The following THSD7B variants were observed in gnomAD, a reference collection of about 807,000 sequenced individuals.
THSD7B encodes the protein thrombospondin type-1 domain-containing protein 7B.
In THSD7B, 138 loss-of-function variants were observed where a neutral mutation model predicts 213.6. The observed-to-expected ratio is 0.65, with a 90% confidence interval of 0.56 to 0.74. The LOEUF (loss-of-function observed/expected upper bound fraction) is 0.74. Ranked by LOEUF, THSD7B falls within the 30% of genes least tolerant of loss-of-function variation. The probability of loss-of-function intolerance (pLI) is 0.00; values close to 1 mark genes in which losing one functional copy is unlikely to be tolerated. For synonymous variants in THSD7B, 742 were observed against 687.0 expected, an observed-to-expected ratio of 1.08 and a Z score of -1.25; for missense variants, 1,931 against 1,991.5, an observed-to-expected ratio of 0.97 and a Z score of 0.58.
intron 12 of THSD7B, among the ~76,000 whole-genome samples, chr2:137,292,133 T>C (rs1274671532): frequency 6.6e-6 from 1 of 152,148 alleles, no homozygotes; most frequent in Non-Finnish European, 1.5e-5. Flanking sequence ...CAGATCTAAT[T>C]TGAAAATATT....
intron 10 of THSD7B, among the ~76,000 whole-genome samples, chr2:137,259,017 A>G (rs750784636): frequency 1.2e-4 from 19 of 152,044 alleles, no homozygotes; most frequent in Non-Finnish European, 2.6e-4. Context: ...ACATTATCTC[A>G]TTCCTTTTTA....
chr2:136,866,093 A>G (rs1573677121), intron 1 of THSD7B, among the ~76,000 whole-genome samples: 1 of 152,156 alleles, frequency 6.6e-6, no homozygotes, highest in African/African-American at 2.4e-5. Flanking sequence ...GTCAACACCT[A>G]TGGTGTGGGT....
At chr2:137,427,636 AG>A (rs1218541139) in intron 14 of THSD7B, among the ~76,000 whole-genome samples, 1 of 152,176 alleles carries the variant, frequency 6.6e-6, no homozygotes, top group Admixed American at 6.5e-5. Flanking sequence ...AATCTAAAAA[AG>A]TCAAATTTAT....
rs148113523 is a variant in THSD7B at position 137,550,852 on chromosome 2, A to G, written c.3139-12369A>G. On this transcript the variant is annotated intron_variant, in intron 15 of 27. Coordinates refer to ENST00000409968, the MANE Select transcript of THSD7B (RefSeq NM_001316349.2). The stretch of plus-strand genomic sequence containing the variant: ...GGGAAAGGGTTAAGTGCTTTAGATC[A>G]TTAGAAAATGAAAGGTAGAGTCCAG... Among the ~76,000 whole-genome samples the G allele has an allele frequency of 7.6e-3, 1,150 of 152,248 alleles. 15 individuals carry two copies. The highest frequency in any genetic ancestry group is 0.043 in the Admixed American group (661 of 15,260).
In THSD7B at chr2:137,493,164, GAAAGA is replaced by G. The variant is rs555011359; in HGVS notation, c.3138+42146_3138+42150del. Among the ~76,000 whole-genome samples the G allele has an allele frequency of 2.9e-3, 398 of 139,136 alleles. 1 individual carries two copies. Among genetic ancestry groups the G allele is most frequent in the Middle Eastern group, 7.6e-3 (2 of 262 alleles). The allele number at this position is 139,136 out of a possible 152,430, so 91.3% of individuals were successfully genotyped here. On this transcript the variant is annotated intron_variant, in intron 15 of 27. Transcript: ENST00000409968. ...AAAAAAAAAACAGGAAAAGAAAAAG[GAAAGA>G]AAAGTATTTTTGAACAACAGTTCTT...
intron 2 of THSD7B, among the ~76,000 whole-genome samples, chr2:136,976,097 C>G (rs1002834842): frequency 1.3e-5 from 2 of 152,188 alleles, no homozygotes; most frequent in Non-Finnish European, 2.9e-5. Context: ...ATGGGGTTTT[C>G]TAGATAAAAG....
At chr2:137,305,108 C>A (rs574553825) in intron 12 of THSD7B, among the ~76,000 whole-genome samples, 15 of 152,192 alleles carry the variant, frequency 9.9e-5, no homozygotes, top group Middle Eastern at 3.4e-3. Context: ...TTTCTGAGAT[C>A]TTATGTGTTC....
intron 1 of THSD7B, among the ~76,000 whole-genome samples, chr2:136,875,820 T>A (rs555688961): frequency 6.6e-6 from 1 of 152,346 alleles, no homozygotes; most frequent in South Asian, 2.1e-4. Context: ...ACAATGTTAA[T>A]GTGGCTTTCT....
intron 25 of THSD7B, 112 bp from the exon 26 acceptor site, chr2:137,663,271 C>G: frequency 1.1e-6 from 1 of 882,054 alleles, no homozygotes; most frequent in Non-Finnish European, 1.6e-6. Flanking sequence ...TGCCCCAAAC[C>G]CTACATTGCC....
chr2:137,362,972 C>A lies in THSD7B; in HGVS notation c.2501-42641C>A, dbSNP rs188903200. On this transcript the variant is annotated intron_variant, in intron 12 of 27. Transcript: ENST00000409968. ...CACATCTCACTTATTCCAAAATTGACCACATAGTTGGGAGTAAAGCACTCC... is the reference window on the plus strand; with the variant it reads ...CACATCTCACTTATTCCAAAATTGAACACATAGTTGGGAGTAAAGCACTCC... 2.4e-3 allele frequency among the ~76,000 whole-genome samples: 361 copies of A among 152,292 alleles called. 1 individual carries two copies. Among genetic ancestry groups the A allele is most frequent in the African/African-American group, 8.5e-3 (352 of 41,568 alleles).
chr2:137,313,029 G>C (rs1451481770), intron 12 of THSD7B, among the ~76,000 whole-genome samples: 1 of 150,592 alleles, frequency 6.6e-6, no homozygotes, highest in Admixed American at 6.6e-5. Context: ...AGGTCCGCTT[G>C]GTGCAGAGCT....
At chr2:137,583,820 G>T (rs538100770) in intron 17 of THSD7B, among the ~76,000 whole-genome samples, 2 of 152,116 alleles carry the variant, frequency 1.3e-5, no homozygotes, top group Non-Finnish European at 2.9e-5. Context: ...TGGCAATGTG[G>T]GCTCTTTTTT....
At chr2:136,946,785 C>G (rs573852732) in intron 2 of THSD7B, among the ~76,000 whole-genome samples, 2 of 152,212 alleles carry the variant, frequency 1.3e-5, no homozygotes, top group Non-Finnish European at 2.9e-5. Flanking sequence ...TGGGACCCAC[C>G]GAGCCTTGCA....
At chr2:136,878,565 C>T (rs1450406289) in intron 1 of THSD7B, among the ~76,000 whole-genome samples, 5 of 151,976 alleles carry the variant, frequency 3.3e-5, no homozygotes, top group Admixed American at 3.3e-4. Context: ...TTCTCCACAT[C>T]CTCTCCAGCA....
chr2:136,999,654 A>T (rs184263478), intron 2 of THSD7B, among the ~76,000 whole-genome samples: 4 of 152,274 alleles, frequency 2.6e-5, no homozygotes, highest in Admixed American at 2.6e-4. Context: ...TCTCACCAAC[A>T]AGCTGCTATG....
chr2:136,919,172 T>C (rs1684395184), intron 2 of THSD7B, among the ~76,000 whole-genome samples: 1 of 152,244 alleles, frequency 6.6e-6, no homozygotes, highest in Admixed American at 6.5e-5. Flanking sequence ...TCAGTAGCTT[T>C]AGACCTTTTT....
intron 15 of THSD7B, among the ~76,000 whole-genome samples, chr2:137,519,327 T>C (rs1256644734): frequency 2.0e-5 from 3 of 152,188 alleles, no homozygotes; most frequent in African/African-American, 7.2e-5. Context: ...TGTTGCCATC[T>C]CTGGACTGAT....
At chr2:137,384,298 TTTTTAAAATG>T (rs1392630640) in intron 12 of THSD7B, among the ~76,000 whole-genome samples, 2 of 152,228 alleles carry the variant, frequency 1.3e-5, no homozygotes, top group Non-Finnish European at 2.9e-5. Context: ...GGCTTCATAT[TTTTTAAAATG>T]CTTCTTAATT....
intron 24 of THSD7B, 94 bp from the exon 25 acceptor site, chr2:137,659,570 A>T: frequency 8.8e-7 from 1 of 1,139,582 alleles, no homozygotes; most frequent in South Asian, 1.6e-5. Context: ...ATACTGTTGC[A>T]AAGAGGCCGG....
Sources: allele counts gnomAD v4.1 joint callset (sites outside exome capture counted in the v4.1 genomes callset), GRCh38; gene constraint gnomAD v4.1.1; transcripts MANE v1.5; gene names NCBI Gene and HGNC (gene_info 2026-07-23, HGNC 2026-07-21).